ST6GAL1: variants seen among roughly 807,000 people sequenced by gnomAD.
ST6GAL1 encodes the protein beta-galactoside alpha-2,6-sialyltransferase 1.
In ST6GAL1, 20 loss-of-function variants were observed where a neutral mutation model predicts 38.0. The ratio of observed to expected loss-of-function variants is 0.53; its 90% confidence interval spans 0.37 to 0.77. The LOEUF (loss-of-function observed/expected upper bound fraction) is 0.77. ST6GAL1 is among the 30% of genes least tolerant of loss of function. The pLI is 0.00. For synonymous variants in ST6GAL1, 196 were observed against 188.2 expected, an observed-to-expected ratio of 1.04 and a Z score of -0.34; for missense variants, 432 against 496.4, an observed-to-expected ratio of 0.87 and a Z score of 1.23.
chr3:187,008,934 G>A (rs1428047009), intron 2 of ST6GAL1, among the ~76,000 whole-genome samples: 1 of 151,992 alleles, frequency 6.6e-6, no homozygotes, highest in Non-Finnish European at 1.5e-5. Context: ...ATTTGAGGTT[G>A]TTTCAGGTTA....
chr3:186,956,485 G>A (rs1370351270), intron 1 of ST6GAL1, among the ~76,000 whole-genome samples: 2 of 152,198 alleles, frequency 1.3e-5, no homozygotes, highest in Non-Finnish European at 2.9e-5. Context: ...AGGGGCATGT[G>A]TGAAATGCAG....
intron 2 of ST6GAL1, among the ~76,000 whole-genome samples, chr3:186,982,240 C>T (rs1186215328): frequency 6.6e-6 from 1 of 152,210 alleles, no homozygotes; most frequent in Non-Finnish European, 1.5e-5. Context: ...ACTGGTGATA[C>T]AGAGCAAAGC....
At chr3:187,047,481 G>A (rs1718340026) in intron 4 of ST6GAL1, among the ~76,000 whole-genome samples, 1 of 152,152 alleles carries the variant, frequency 6.6e-6, no homozygotes. Flanking sequence ...ACTAACTTGA[G>A]CTGATTCTGT....
intron 5 of ST6GAL1, among the ~76,000 whole-genome samples, chr3:187,056,557 A>G (rs889027379): frequency 6.6e-5 from 10 of 152,272 alleles, no homozygotes; most frequent in African/African-American, 1.4e-4. Flanking sequence ...TCCTTCACAT[A>G]TGAAGGTTAG....
chr3:186,948,290 G>A (rs1026726708), intron 1 of ST6GAL1, among the ~76,000 whole-genome samples: 1 of 152,200 alleles, frequency 6.6e-6, no homozygotes, highest in East Asian at 1.9e-4. Flanking sequence ...GGAAGGATAG[G>A]GTTGTCAGGG....
chr3:187,047,578 C>G (rs150355784), intron 4 of ST6GAL1, among the ~76,000 whole-genome samples: 350 of 152,158 alleles, frequency 2.3e-3, no homozygotes, highest in Middle Eastern at 0.02. Flanking sequence ...TTTCTGAGCT[C>G]TAATTCTAAG....
chr3:187,069,147 T>C (rs919344561), intron 5 of ST6GAL1, among the ~76,000 whole-genome samples: 4 of 152,080 alleles, frequency 2.6e-5, no homozygotes, highest in Admixed American at 2.6e-4. Flanking sequence ...TTTTTTTTTT[T>C]TTTCTCAAGA....
intron 1 of ST6GAL1, among the ~76,000 whole-genome samples, chr3:186,941,798 G>A (rs1339054938): frequency 6.6e-6 from 1 of 152,060 alleles, no homozygotes; most frequent in African/African-American, 2.4e-5. Context: ...GGATCATGAG[G>A]TCAGGAGATA....
intron 2 of ST6GAL1, among the ~76,000 whole-genome samples, chr3:187,035,644 G>A (rs1278841802): frequency 6.6e-6 from 1 of 152,044 alleles, no homozygotes; most frequent in African/African-American, 2.4e-5. Flanking sequence ...ACAAAAATAA[G>A]CAACGGGGGA....
chr3:186,960,969 CTTTTTTTT>C (rs531371070), intron 1 of ST6GAL1, among the ~76,000 whole-genome samples: 3 of 124,748 alleles, frequency 2.4e-5, no homozygotes, highest in Admixed American at 8.1e-5. Flanking sequence ...ATCATTTGAT[CTTTTTTTT>C]TTTTTTTTTT....
intron 1 of ST6GAL1, among the ~76,000 whole-genome samples, chr3:186,947,342 TGATGTTTATCTGCCCA>T (rs2108518696): frequency 1.3e-5 from 2 of 152,290 alleles, no homozygotes; most frequent in South Asian, 4.2e-4. Context: ...TAAAAAATAG[TGATGTTTATCTGCCCA>T]GAGGCGCATG....
At chr3:186,997,431 G>T (rs2108550335) in intron 2 of ST6GAL1, among the ~76,000 whole-genome samples, 1 of 152,110 alleles carries the variant, frequency 6.6e-6, no homozygotes, top group East Asian at 1.9e-4. Context: ...GTAAACTGAG[G>T]CCTGGAAAGG....
At chr3:186,984,070 C>CT (rs1468331790) in intron 2 of ST6GAL1, among the ~76,000 whole-genome samples, 5 of 152,216 alleles carry the variant, frequency 3.3e-5, no homozygotes, top group Admixed American at 2.0e-4. Context: ...TTTGTCTCCT[C>CT]TTTTTCCATT....
chr3:187,054,257 C>A (rs919811255), intron 5 of ST6GAL1, among the ~76,000 whole-genome samples: 1 of 152,038 alleles, frequency 6.6e-6, no homozygotes, highest in Non-Finnish European at 1.5e-5. Context: ...AGGGACAGTT[C>A]GACTTCCTCT....
chr3:187,065,834 T>C (rs1719088791), intron 5 of ST6GAL1, among the ~76,000 whole-genome samples: 1 of 152,340 alleles, frequency 6.6e-6, no homozygotes, highest in Admixed American at 6.5e-5. Context: ...CTAAGGGTCT[T>C]ACATGCCTTC....
intron 5 of ST6GAL1, among the ~76,000 whole-genome samples, chr3:187,056,959 C>T (rs1718724125): frequency 6.6e-6 from 1 of 152,276 alleles, no homozygotes; most frequent in East Asian, 1.9e-4. Flanking sequence ...TAGATTTGGT[C>T]TTTTCACATA....
chr3:187,067,399 TTTTTTTTTTTTTTTTTGG>T (rs1187801063), intron 5 of ST6GAL1, among the ~76,000 whole-genome samples: 2 of 144,128 alleles, frequency 1.4e-5, no homozygotes, highest in African/African-American at 2.5e-5. Flanking sequence ...GCAACCTTTT[TTTTTTTTTTTTTTTTTGG>T]TAGAAAATCT....
chr3:187,064,461 G>A (rs888202149), intron 5 of ST6GAL1: 1 of 454,940 alleles, frequency 2.2e-6, no homozygotes, highest in East Asian at 7.0e-5. Context: ...GAGGAAGAGT[G>A]TGCTCAGAAA....
chr3:186,985,510 A>T (rs1474906620), intron 2 of ST6GAL1, among the ~76,000 whole-genome samples: 1 of 151,420 alleles, frequency 6.6e-6, no homozygotes, highest in Non-Finnish European at 1.5e-5. Flanking sequence ...GAGGCTAGGC[A>T]CTCCCAGCAC....
Sources: allele counts gnomAD v4.1 joint callset (sites outside exome capture counted in the v4.1 genomes callset), GRCh38; gene constraint gnomAD v4.1.1; transcripts MANE v1.5; gene names NCBI Gene and HGNC (gene_info 2026-07-23, HGNC 2026-07-21).